Variants in PCDH7 observed in about 807,000 individuals in gnomAD.
PCDH7 encodes protocadherin 7.
In PCDH7, 17 loss-of-function variants were observed where a neutral mutation model predicts 58.9. The ratio of observed to expected loss-of-function variants is 0.29; its 90% confidence interval spans 0.20 to 0.43. The LOEUF (loss-of-function observed/expected upper bound fraction) is 0.43, where lower values mean the gene tolerates loss of function less well. Ranked by LOEUF, PCDH7 falls within the 20% of genes least tolerant of loss-of-function variation. The pLI is 1.00. For synonymous variants in PCDH7, 664 were observed against 616.4 expected (o/e 1.08, Z -1.14); for missense variants, 1,274 against 1,441.0 (o/e 0.88, Z 1.88).
intron 3 of PCDH7, among the ~76,000 whole-genome samples, chr4:31,021,694 T>A (rs552549031): frequency 7.2e-5 from 11 of 152,168 alleles, no homozygotes; most frequent in Admixed American, 2.0e-4. Flanking sequence ...CACCAATACT[T>A]TTTTTAATGG....
chr4:31,125,708 A>G (rs1718220407), intron 3 of PCDH7, among the ~76,000 whole-genome samples: 1 of 152,208 alleles, frequency 6.6e-6, no homozygotes, highest in African/African-American at 2.4e-5. Context: ...AGGGTGAACA[A>G]CTGATACTCA....
chr4:30,833,236 A>G (rs1730035667), intron 1 of PCDH7, among the ~76,000 whole-genome samples: 1 of 152,162 alleles, frequency 6.6e-6, no homozygotes, highest in African/African-American at 2.4e-5. Flanking sequence ...TTTGGAGGCC[A>G]GAAGCAGGAA....
intron 1 of PCDH7, among the ~76,000 whole-genome samples, chr4:30,816,799 A>G (rs1294115118): frequency 6.6e-6 from 1 of 152,156 alleles, no homozygotes; most frequent in Non-Finnish European, 1.5e-5. Flanking sequence ...AATAATAATA[A>G]GCTGATCCAT....
At chr4:30,978,764 A>G (rs1231126796) in intron 3 of PCDH7, among the ~76,000 whole-genome samples, 2 of 152,186 alleles carry the variant, frequency 1.3e-5, no homozygotes, top group East Asian at 1.9e-4. Flanking sequence ...CTGTAATAAA[A>G]TACATCAACT....
intron 3 of PCDH7, among the ~76,000 whole-genome samples, chr4:31,099,883 G>T (rs912299104): frequency 2.0e-5 from 3 of 152,018 alleles, no homozygotes; most frequent in African/African-American, 7.2e-5. Context: ...GCATATACCT[G>T]CCCCTTCTGG....
At chr4:31,077,921 A>C (rs545550585) in intron 3 of PCDH7, among the ~76,000 whole-genome samples, 1 of 152,266 alleles carries the variant, frequency 6.6e-6, no homozygotes, top group South Asian at 2.1e-4. Context: ...GAAGAATTAA[A>C]ATGAGGTGGC....
At chr4:31,131,620 G>A (rs553300170) in intron 3 of PCDH7, among the ~76,000 whole-genome samples, 76 of 96,146 alleles carry the variant, frequency 7.9e-4, no homozygotes, top group African/African-American at 7.5e-3. Context: ...TTCCTCAGAG[G>A]TTGAAATTTT....
chr4:31,083,160 C>T (rs1711829224), intron 3 of PCDH7, among the ~76,000 whole-genome samples: 2 of 152,004 alleles, frequency 1.3e-5, no homozygotes, highest in Non-Finnish European at 2.9e-5. Context: ...GTACAATGTA[C>T]ACTACTCAGG....
intron 3 of PCDH7, among the ~76,000 whole-genome samples, chr4:31,009,622 A>T (rs923716449): frequency 6.6e-6 from 1 of 151,968 alleles, no homozygotes; most frequent in Non-Finnish European, 1.5e-5. Flanking sequence ...TTTTGTTATC[A>T]GATGTATTTT....
At chr4:30,800,514 A>G (rs911814106) in intron 1 of PCDH7, among the ~76,000 whole-genome samples, 3 of 152,222 alleles carry the variant, frequency 2.0e-5, no homozygotes, top group Non-Finnish European at 2.9e-5. Context: ...ATAGGAAATA[A>G]AATATCTGTG....
intron 1 of PCDH7, among the ~76,000 whole-genome samples, chr4:30,778,561 A>G (rs1188669403): frequency 6.6e-6 from 1 of 152,188 alleles, no homozygotes; most frequent in Non-Finnish European, 1.5e-5. Flanking sequence ...GAGATTCTCC[A>G]AATTCATCTC....
At chr4:30,999,827 T>C (rs553865579) in intron 3 of PCDH7, among the ~76,000 whole-genome samples, 6 of 152,208 alleles carry the variant, frequency 3.9e-5, no homozygotes, top group African/African-American at 9.6e-5. Flanking sequence ...TAATGATATA[T>C]TGATGTATTT....
intron 2 of PCDH7, among the ~76,000 whole-genome samples, chr4:30,929,464 A>G (rs1744288582): frequency 6.6e-6 from 1 of 152,170 alleles, no homozygotes; most frequent in South Asian, 2.1e-4. Context: ...CAGAAAATAT[A>G]ATTGTAAGTT....
chr4:30,789,535 C>T (rs1488803317), intron 1 of PCDH7, among the ~76,000 whole-genome samples: 1 of 152,138 alleles, frequency 6.6e-6, no homozygotes, highest in Non-Finnish European at 1.5e-5. Flanking sequence ...ATTTTAGTTT[C>T]CTGCTACTAC....
At chr4:30,769,427 C>A (rs556668115) in intron 1 of PCDH7, among the ~76,000 whole-genome samples, 39 of 152,334 alleles carry the variant, frequency 2.6e-4, no homozygotes, top group African/African-American at 9.4e-4. Context: ...GCTTGCCTGG[C>A]ATGCATATAT....
chr4:30,821,379 G>A (rs1057364113), intron 1 of PCDH7, among the ~76,000 whole-genome samples: 2 of 152,206 alleles, frequency 1.3e-5, no homozygotes, highest in African/African-American at 2.4e-5. Context: ...GAGGAAAGGG[G>A]TCATCCCCAT....
intron 3 of PCDH7, among the ~76,000 whole-genome samples, chr4:31,011,063 G>A (rs2109152095): frequency 6.6e-6 from 1 of 151,792 alleles, no homozygotes; most frequent in East Asian, 1.9e-4. Flanking sequence ...TTTTTCTGTG[G>A]GTTTCTATAA....
At chr4:30,755,963 C>T (rs1719234671) in intron 1 of PCDH7, among the ~76,000 whole-genome samples, 1 of 151,986 alleles carries the variant, frequency 6.6e-6, no homozygotes, top group Non-Finnish European at 1.5e-5. Flanking sequence ...CCTGTAGTCC[C>T]ATCTACTCAG....
At chr4:30,984,393 G>A (rs2109114428) in intron 3 of PCDH7, among the ~76,000 whole-genome samples, 1 of 152,298 alleles carries the variant, frequency 6.6e-6, no homozygotes, top group African/African-American at 2.4e-5. Context: ...CAATGGATTA[G>A]GAAACCTATA....
Sources: allele counts gnomAD v4.1 joint callset (sites outside exome capture counted in the v4.1 genomes callset), GRCh38; gene constraint gnomAD v4.1.1; transcripts MANE v1.5; gene names NCBI Gene and HGNC (gene_info 2026-07-23, HGNC 2026-07-21).